The following GRM8 variants were observed in gnomAD, a reference collection of about 807,000 sequenced individuals.
The protein encoded by GRM8 is metabotropic glutamate receptor 8.
In GRM8, 47 loss-of-function variants were observed where a neutral mutation model predicts 87.2. That is an observed-to-expected ratio of 0.54 (90% CI 0.43 to 0.69). GRM8 has a LOEUF of 0.69. Ranked by LOEUF, GRM8 falls within the 30% of genes least tolerant of loss-of-function variation. GRM8 has a pLI of 0.00. For missense variants in GRM8, 1,019 were observed against 1,139.2 expected, an observed-to-expected ratio of 0.89 and a Z score of 1.52; for synonymous variants, 396 against 404.5, an observed-to-expected ratio of 0.98 and a Z score of 0.25.
intron 8 of GRM8, among the ~76,000 whole-genome samples, chr7:126,595,208 ATTTTTGTTTTTTTGG>A (rs2151055507): frequency 6.6e-6 from 1 of 150,920 alleles, no homozygotes; most frequent in African/African-American, 2.4e-5. Flanking sequence ...TGGTTTGTGG[ATTTTTGTTTTTTTGG>A]TTTTTGTTCT....
At chr7:126,992,069 CTACT>C (rs1812714635) in intron 3 of GRM8, among the ~76,000 whole-genome samples, 1 of 152,118 alleles carries the variant, frequency 6.6e-6, no homozygotes, top group African/African-American at 2.4e-5. Context: ...GTGCCTAAAG[CTACT>C]ATAACCAGTG....
rs1827851281 is a variant in GRM8 at position 127,134,526 on chromosome 7, A to G, written c.511-27814T>C. Among the ~76,000 whole-genome samples, 2 of 152,216 alleles carry G rather than the reference A, an allele frequency of 1.3e-5. 1 individual carries two copies. Among genetic ancestry groups the G allele is most frequent in the Admixed American group, 1.3e-4 (2 of 15,282 alleles). ...CCAAATGGGATTATTTGAAGCATGA[A>G]CTAAAACATTTTGATATCAATTGTA... is the stretch of plus-strand genomic sequence containing the variant. On this transcript the variant is annotated intron_variant, in intron 2 of 10. Coordinates refer to ENST00000339582, the MANE Select transcript of GRM8 (RefSeq NM_000845.3).
At chr7:127,052,839 T>C (rs1819624854) in intron 3 of GRM8, among the ~76,000 whole-genome samples, 1 of 152,170 alleles carries the variant, frequency 6.6e-6, no homozygotes, top group Non-Finnish European at 1.5e-5. Flanking sequence ...GGCAATTCCC[T>C]TTCCAAATAG....
intron 3 of GRM8, among the ~76,000 whole-genome samples, chr7:127,005,022 G>GA (rs925394235): frequency 6.6e-5 from 10 of 150,726 alleles, no homozygotes; most frequent in African/African-American, 1.2e-4. Context: ...AGATAAAGAG[G>GA]AAAAAAACCA....
intron 3 of GRM8, among the ~76,000 whole-genome samples, chr7:126,906,131 T>C (rs1171081946): frequency 6.6e-6 from 1 of 152,022 alleles, no homozygotes; most frequent in African/African-American, 2.4e-5. Context: ...AGTGCCCTTA[T>C]AAAAAAGACT....
intron 7 of GRM8, among the ~76,000 whole-genome samples, chr7:126,665,923 T>A (rs187004190): frequency 1.2e-4 from 19 of 152,238 alleles, no homozygotes; most frequent in African/African-American, 4.6e-4. Flanking sequence ...CAGATTTTTG[T>A]GATGACTTTG....
In GRM8 at chr7:127,242,903, C is replaced by T. The variant is rs750295333; in HGVS notation, c.302G>A (p.Arg101His). ...DLLSNITLGV[R>H]ILDTCSRDTY... ...GTCCCTAGAGCACGTGTCGAGGATG[C>T]GGACACCCAGAGTGATGTTGGAAAG... Residue 101 changes from arginine (R) to histidine (H), a missense_variant, in exon 2 of 11, where the codon CGC becomes CAC. By Grantham distance (29) the Arg-to-His change is conservative (BLOSUM62 0). Transcript: ENST00000339582. 5 of 1,613,844 alleles carry T rather than the reference C, an allele frequency of 3.1e-6. No individual in the cohort carries two copies. The highest frequency in any genetic ancestry group is 1.3e-5 in the African/African-American group (1 of 75,006).
chr7:127,088,013 A>T (rs2299532), intron 3 of GRM8, among the ~76,000 whole-genome samples: 36,057 of 152,216 alleles, frequency 0.24, 5,040 homozygotes, highest in Non-Finnish European at 0.33. Context: ...AAAATAATTT[A>T]GAAACCATAA....
At chr7:126,625,835 T>C (rs10954125) in intron 7 of GRM8, among the ~76,000 whole-genome samples, 46,808 of 151,846 alleles carry the variant, frequency 0.31, 8,083 homozygotes, top group East Asian at 0.43. Context: ...AAAGAACATA[T>C]AATAATTAGG....
chr7:126,552,029 C>G (rs965615175), intron 8 of GRM8, among the ~76,000 whole-genome samples: 3 of 152,066 alleles, frequency 2.0e-5, no homozygotes, highest in Admixed American at 2.0e-4. Flanking sequence ...TATTCATCTT[C>G]TTTTACATGT....
chr7:126,709,477 GGAA>G (rs951500305), intron 7 of GRM8, among the ~76,000 whole-genome samples: 46 of 151,756 alleles, frequency 3.0e-4, no homozygotes, highest in African/African-American at 5.3e-4. Context: ...AAGAGGAAGA[GGAA>G]GAAGAAGAAG....
At chr7:127,155,386 T>G (rs1274753247) in intron 2 of GRM8, among the ~76,000 whole-genome samples, 1 of 152,214 alleles carries the variant, frequency 6.6e-6, no homozygotes, top group South Asian at 2.1e-4. Flanking sequence ...GTTCTTTCTT[T>G]GATTCATCCA....
chr7:126,671,402 C>A lies in GRM8; in HGVS notation c.1358-61904G>T, dbSNP rs1806373515. 2.6e-5 allele frequency among the ~76,000 whole-genome samples: 4 copies of A among 152,230 alleles called. No individual in the cohort carries two copies. In the South Asian group the frequency reaches 8.3e-4, roughly 32 times the overall value. ...TCTTGCTGCACTTTATGCAAATAAC[C>A]AGGCCAAGTATAAGACTAAAGTCTG... On this transcript the variant is annotated intron_variant, in intron 7 of 10. Transcript: ENST00000339582.
At chr7:127,058,228 G>A (rs1473289551) in intron 3 of GRM8, 6 of 464,186 alleles carry the variant, frequency 1.3e-5, no homozygotes, top group Non-Finnish European at 2.6e-5. Flanking sequence ...CCTGGCCCCA[G>A]GAAGGGCAAG....
At chr7:127,102,000 G>C (rs1825324184) in intron 3 of GRM8, among the ~76,000 whole-genome samples, 1 of 152,202 alleles carries the variant, frequency 6.6e-6, no homozygotes, top group Non-Finnish European at 1.5e-5. Flanking sequence ...ACTGGAATCT[G>C]GAGCAAAGGT....
intron 2 of GRM8, among the ~76,000 whole-genome samples, chr7:127,233,964 G>A (rs575998444): frequency 2.0e-5 from 3 of 151,998 alleles, no homozygotes; most frequent in Admixed American, 2.0e-4. Flanking sequence ...AGTGTTTGGG[G>A]ATAGGAAAAG....
intron 3 of GRM8, among the ~76,000 whole-genome samples, chr7:127,053,656 C>T (rs749920887): frequency 6.6e-5 from 10 of 151,578 alleles, no homozygotes; most frequent in Non-Finnish European, 8.8e-5. Flanking sequence ...GGCGTAGTGG[C>T]GGGTGCCTGT....
rs190673724 is a variant in GRM8 at position 126,678,835 on chromosome 7, G to A, written c.1358-69337C>T. On this transcript the variant is annotated intron_variant, in intron 7 of 10. Transcript: ENST00000339582. The stretch of plus-strand genomic sequence containing the variant: ...GGGAGGTTGCTCCAATTAAGCACTC[G>A]GTCCTCTCTATTGTATTAAATTTAA... Among the ~76,000 whole-genome samples the A allele has an allele frequency of 6.5e-4, 99 of 152,148 alleles. 1 individual carries two copies. The highest frequency in any genetic ancestry group is 6.8e-3 in the Middle Eastern group (2 of 294).
intron 8 of GRM8, among the ~76,000 whole-genome samples, chr7:126,543,441 A>G (rs987786060): frequency 1.3e-5 from 2 of 152,220 alleles, no homozygotes; most frequent in Non-Finnish European, 2.9e-5. Context: ...TCCTAAGAAG[A>G]GTAGAAGTCA....
Sources: gnomAD v4.1 joint callset for allele counts (sites outside exome capture counted in the v4.1 genomes callset) on GRCh38, gnomAD v4.1.1 for gene constraint, MANE v1.5 for transcripts, NCBI Gene and HGNC (gene_info 2026-07-23, HGNC 2026-07-21) for gene names.